The following GALNT13 variants were observed in gnomAD, a reference collection of about 807,000 sequenced individuals.
GALNT13 encodes the protein polypeptide N-acetylgalactosaminyltransferase 13, also known as UDP-GalNAc:polypeptide N-acetylgalactosaminyltransferase 13.
In GALNT13, 28 loss-of-function variants were observed where a neutral mutation model predicts 64.2. The observed-to-expected ratio is 0.44, with a 90% CI of 0.32 to 0.60. The LOEUF (loss-of-function observed/expected upper bound fraction) is 0.60, where lower values mean the gene tolerates loss of function less well. Among genes scored for constraint, GALNT13 ranks in the 20% least tolerant of loss-of-function variants. The pLI, the probability that GALNT13 is intolerant of heterozygous loss-of-function variation, is 0.05. For synonymous variants in GALNT13, 214 were observed against 224.6 expected (o/e 0.95, Z 0.42); for missense variants, 577 against 669.8 (o/e 0.86, Z 1.53).
At chr2:153,491,260 T>C in the GALNT13 span, among the ~76,000 whole-genome samples, 3 of 151,970 alleles carry the variant, frequency 2.0e-5, no homozygotes, top group African/African-American at 7.2e-5. Flanking sequence ...ATTTAACAGA[T>C]ATACAATAAA....
chr2:153,316,177 G>A, the GALNT13 span, among the ~76,000 whole-genome samples: 1 of 152,014 alleles, frequency 6.6e-6, no homozygotes, highest in South Asian at 2.1e-4. Flanking sequence ...GCATTGATGA[G>A]GATGTGGGGC....
chr2:153,732,366 A>G, the GALNT13 span, among the ~76,000 whole-genome samples: 2 of 152,124 alleles, frequency 1.3e-5, no homozygotes, highest in East Asian at 1.9e-4. Flanking sequence ...AGTGTAGAGT[A>G]CTAACAATAT....
chr2:153,456,363 T>C, the GALNT13 span, among the ~76,000 whole-genome samples: 2 of 152,186 alleles, frequency 1.3e-5, no homozygotes, highest in Non-Finnish European at 2.9e-5. Flanking sequence ...GGGCCCTTTC[T>C]AGGCTTTTAT....
the GALNT13 span, among the ~76,000 whole-genome samples, chr2:153,763,826 G>C: frequency 6.6e-6 from 1 of 152,112 alleles, no homozygotes; most frequent in Non-Finnish European, 1.5e-5. Flanking sequence ...GGAAAGTTTA[G>C]AGCTTTCTAG....
intron 3 of GALNT13, among the ~76,000 whole-genome samples, chr2:154,046,407 G>C (rs1027919658): frequency 6.6e-6 from 1 of 152,074 alleles, no homozygotes; most frequent in Non-Finnish European, 1.5e-5. Context: ...TTTTCCTTTA[G>C]GGTTCACCAC....
rs112855938 is a variant in GALNT13, at chr2:154,376,352, AC to A, written c.1157-19638del. 1.4e-3 allele frequency among the ~76,000 whole-genome samples: 219 copies of A among 152,306 alleles called. 2 individuals carry two copies. The highest frequency in any genetic ancestry group is 4.6e-3 in the African/African-American group (191 of 41,576). ...TTGCATTATATAGTCAGATAAGAAC[AC>A]GGGTCTTTTCCTGGGCATATTTTGT... On this transcript the variant is annotated intron_variant, in intron 9 of 12. Transcript: ENST00000392825.
intron 3 of GALNT13, among the ~76,000 whole-genome samples, chr2:154,024,979 G>C (rs1697837329): frequency 6.6e-6 from 1 of 152,180 alleles, no homozygotes; most frequent in South Asian, 2.1e-4. Context: ...GATTGCCTAG[G>C]TAACAGCAGC....
the GALNT13 span, among the ~76,000 whole-genome samples, chr2:153,145,829 C>G: frequency 6.6e-6 from 1 of 151,886 alleles, no homozygotes; most frequent in South Asian, 2.1e-4. Context: ...GATCCATGGA[C>G]TAGCATGACC....
chr2:154,373,837 A>G, intron 9 of GALNT13, among the ~76,000 whole-genome samples: 1 of 152,202 alleles, frequency 6.6e-6, no homozygotes, highest in East Asian at 1.9e-4. Flanking sequence ...AGATTCTTAC[A>G]GAGTGTGAAC....
the GALNT13 span, among the ~76,000 whole-genome samples, chr2:153,699,806 C>T: frequency 3.9e-5 from 6 of 152,220 alleles, no homozygotes; most frequent in East Asian, 1.2e-3. Context: ...AGTTGAATCC[C>T]TGAATAGACC....
At chr2:154,197,038 C>T (rs1337487892) in intron 4 of GALNT13, among the ~76,000 whole-genome samples, 2 of 152,118 alleles carry the variant, frequency 1.3e-5, no homozygotes, top group African/African-American at 4.8e-5. Flanking sequence ...TTTCGATGTT[C>T]AAAGATGTCC....
the GALNT13 span, among the ~76,000 whole-genome samples, chr2:153,664,712 T>C: frequency 6.6e-6 from 1 of 152,224 alleles, no homozygotes; most frequent in African/African-American, 2.4e-5. Context: ...GGGGAACTAA[T>C]AAATGTCCGT....
chr2:153,700,121 C>A, the GALNT13 span, among the ~76,000 whole-genome samples: 12 of 152,136 alleles, frequency 7.9e-5, no homozygotes, highest in African/African-American at 2.7e-4. Flanking sequence ...CTGAATCCAG[C>A]AGCACATCAA....
intron 3 of GALNT13, among the ~76,000 whole-genome samples, chr2:154,114,031 A>G (rs183217976): frequency 3.5e-4 from 53 of 152,318 alleles, no homozygotes; most frequent in African/African-American, 1.2e-3. Flanking sequence ...ATTCTCCAAG[A>G]GCCGTCTGTC....
chr2:154,290,789 G>A (rs536185010), intron 8 of GALNT13, among the ~76,000 whole-genome samples: 5 of 152,178 alleles, frequency 3.3e-5, no homozygotes, highest in East Asian at 1.9e-4. Flanking sequence ...TCTGATGTTC[G>A]GACGTGTCTA....
At chr2:153,968,817 T>C (rs73965333) in intron 3 of GALNT13, among the ~76,000 whole-genome samples, 9,359 of 152,254 alleles carry the variant, frequency 0.061, 594 homozygotes, top group African/African-American at 0.16. Context: ...TTTAATAGTT[T>C]TAATAGTTTA....
At chr2:153,542,067 C>T in the GALNT13 span, among the ~76,000 whole-genome samples, 1 of 152,052 alleles carries the variant, frequency 6.6e-6, no homozygotes, top group African/African-American at 2.4e-5. Flanking sequence ...CCTGTAAACC[C>T]AGCATTTTGG....
At chr2:154,145,070 C>CTCTATCTATCTA (rs57991813) in intron 4 of GALNT13, among the ~76,000 whole-genome samples, 26 of 136,232 alleles carry the variant, frequency 1.9e-4, no homozygotes, top group Middle Eastern at 3.8e-3. Flanking sequence ...CTCTCTCTCT[C>CTCTATCTATCTA]TCTATCTATC....
At chr2:154,294,292 A>G (rs1027064488) in intron 8 of GALNT13, among the ~76,000 whole-genome samples, 2 of 152,224 alleles carry the variant, frequency 1.3e-5, no homozygotes, top group Non-Finnish European at 2.9e-5. Flanking sequence ...TACAAATATC[A>G]ATGCTTGCAG....
Sources: allele counts gnomAD v4.1 joint callset (sites outside exome capture counted in the v4.1 genomes callset), GRCh38; gene constraint gnomAD v4.1.1; transcripts MANE v1.5; gene names NCBI Gene and HGNC (gene_info 2026-07-23, HGNC 2026-07-21).